RDH12: variants seen among roughly 807,000 people sequenced by gnomAD.
RDH12 encodes retinol dehydrogenase 12.
RDH12 carries 21 observed loss-of-function variants against 34.0 expected under a neutral mutation model. That is an observed-to-expected ratio of 0.62 (90% CI 0.44 to 0.89). The LOEUF (loss-of-function observed/expected upper bound fraction) is 0.89, where lower values mean the gene tolerates loss of function less well. RDH12 is among the 40% of genes least tolerant of loss of function. RDH12 has a pLI of 0.00. For missense variants in RDH12, 394 were observed against 398.6 expected, an observed-to-expected ratio of 0.99 and a Z score of 0.10; for synonymous variants, 198 against 169.9, an observed-to-expected ratio of 1.17 and a Z score of -1.29.
intron 8 of RDH12, among the ~76,000 whole-genome samples, chr14:67,730,805 T>C (rs1444028432): frequency 1.3e-5 from 2 of 152,170 alleles, no homozygotes; most frequent in Non-Finnish European, 2.9e-5. Flanking sequence ...GCTTTCACCA[T>C]GTTGGCCAGG....
chr14:67,715,651 C>T (rs2038060301), intron 1 of RDH12, among the ~76,000 whole-genome samples: 2 of 152,114 alleles, frequency 1.3e-5, no homozygotes, highest in Admixed American at 6.5e-5. Flanking sequence ...CAAGTTCGTT[C>T]TTTTTGTAAG....
chr14:67,703,051 C>T (rs12434923), intron 1 of RDH12, among the ~76,000 whole-genome samples: 13,060 of 152,096 alleles, frequency 0.086, 807 homozygotes, highest in East Asian at 0.23. Flanking sequence ...AGCTCCTGGG[C>T]GCAAATGATC....
chr14:67,716,026 T>C (rs1313768024), intron 1 of RDH12, among the ~76,000 whole-genome samples: 1 of 151,984 alleles, frequency 6.6e-6, no homozygotes, highest in Non-Finnish European at 1.5e-5. Context: ...AAACCCCGTC[T>C]CTACTAAAAA....
rs565676224 is a variant in RDH12, at chr14:67,725,990, T to C, written c.344-61T>C. 6.1e-4 allele frequency: 675 copies of C among 1,107,064 alleles called. 2 individuals carry two copies. The highest frequency in any genetic ancestry group is 8.3e-4 in the Non-Finnish European group (595 of 717,328). 68.6% of individuals were successfully genotyped at this position (1,107,064 alleles called of 1,614,324 possible). The stretch of plus-strand genomic sequence containing the variant: ...AAGGGAAAGGGCAATTATGCAGGTC[T>C]GTTACAGGCAGCTAGGGGACTCCTT... On this transcript the variant is annotated intron_variant, in intron 5 of 8. Transcript: ENST00000551171.
chr14:67,712,156 G>A (rs1383827506), intron 1 of RDH12, among the ~76,000 whole-genome samples: 6 of 152,020 alleles, frequency 3.9e-5, no homozygotes, highest in African/African-American at 7.3e-5. Context: ...CTGACCTCAC[G>A]TGATCCACAC....
intron 1 of RDH12, among the ~76,000 whole-genome samples, chr14:67,714,343 T>C (rs1264553378): frequency 4.6e-5 from 7 of 152,088 alleles, no homozygotes; most frequent in Admixed American, 3.3e-4. Context: ...TCTGATTATG[T>C]TGCTCTTGGT....
rs546733698 is a variant in RDH12, at chr14:67,710,349, C to G, written c.-275+8414C>G. On this transcript the variant is annotated intron_variant, in intron 1 of 8. Coordinates refer to ENST00000551171, the MANE Select transcript of RDH12 (RefSeq NM_152443.3). ...TTAAAAAAAGTTTTAATCTTTTTTT[C>G]CTAAGCAAACCAAAACTTAATAATA... 5.3e-5 allele frequency among the ~76,000 whole-genome samples: 8 copies of G among 152,172 alleles called. No individual in the cohort carries two copies. The East Asian group carries it at 1.4e-3, about 26-fold the overall frequency.
At position 67,727,038 on chromosome 14, in the gene RDH12, G is replaced by A. The variant is rs971610277; in HGVS notation, c.506G>A (p.Arg169Gln). 3.7e-5 allele frequency: 59 copies of A among 1,613,678 alleles called. No individual in the cohort carries two copies. Among genetic ancestry groups the A allele is most frequent in the Middle Eastern group, 1.7e-4 (1 of 5,806 alleles). Residue 169 changes from arginine to glutamine, a missense_variant, in exon 7 of 9, where the codon CGG becomes CAG. By Grantham distance (43) the Arg-to-Gln change is conservative. Transcript: ENST00000551171. ...CGGCTAAAGGTGTCTGCCCCTGCACGGGTGGTTAATGTGTCCTCGGTGGCT... is the reference window on the plus strand; with the variant it reads ...CGGCTAAAGGTGTCTGCCCCTGCACAGGTGGTTAATGTGTCCTCGGTGGCT... Reference protein sequence around the residue: ...LERLKVSAPARVVNVSSVAHH... With the variant: ...LERLKVSAPAQVVNVSSVAHH...
At chr14:67,731,193 A>G (rs2038266687) in intron 8 of RDH12, among the ~76,000 whole-genome samples, 1 of 145,124 alleles carries the variant, frequency 6.9e-6, no homozygotes, top group Non-Finnish European at 1.5e-5. Context: ...GTTTCTCATC[A>G]TATTTCTTTC....
chr14:67,711,858 A>G lies in RDH12; in HGVS notation c.-274-8990A>G, dbSNP rs140743961. Among the ~76,000 whole-genome samples the G allele has an allele frequency of 1.8e-3, 276 of 152,356 alleles. 2 individuals carry two copies. The highest frequency in any genetic ancestry group is 4.4e-3 in the Admixed American group (68 of 15,308). Reference sequence around the variant, plus strand: ...ATTGAAGATGGATGTCAAATCAAACACAAAATTACAGAAATCTATCATAGG... The same window carrying G: ...ATTGAAGATGGATGTCAAATCAAACGCAAAATTACAGAAATCTATCATAGG... On this transcript the variant is annotated intron_variant, in intron 1 of 8. Transcript: ENST00000551171.
At chr14:67,731,539 G>GT (rs1400060908) in intron 8 of RDH12, among the ~76,000 whole-genome samples, 1 of 151,806 alleles carries the variant, frequency 6.6e-6, no homozygotes, top group Non-Finnish European at 1.5e-5. Context: ...CTATTGGACA[G>GT]TTGCTACTCT....
intron 1 of RDH12, among the ~76,000 whole-genome samples, chr14:67,704,200 G>A (rs914285440): frequency 6.6e-6 from 1 of 152,204 alleles, no homozygotes; most frequent in Admixed American, 6.5e-5. Flanking sequence ...AGGTGTATGG[G>A]AGCCAGGAGA....
rs886050645 is a variant in RDH12, at chr14:67,734,282, A to T, written c.*434A>T. 1.3e-4 allele frequency: 26 copies of T among 195,900 alleles called. No homozygotes were observed. The highest frequency in any genetic ancestry group is 5.5e-4 in the African/African-American group (24 of 43,292). 12.1% of individuals were successfully genotyped at this position (195,900 alleles called of 1,614,324 possible). A position where few individuals can be genotyped will look rare whatever the true frequency, so the allele number is the denominator to read the frequency against. ...CTCTTTCTTTTTAAAAATATTTGCCACCACCCTGGAGTCTAGACCAACACA... is the reference window on the plus strand; with the variant it reads ...CTCTTTCTTTTTAAAAATATTTGCCTCCACCCTGGAGTCTAGACCAACACA... On this transcript the variant is annotated 3_prime_UTR_variant, in exon 9 of 9. Coordinates refer to ENST00000551171, the MANE Select transcript of RDH12 (RefSeq NM_152443.3).
intron 1 of RDH12, among the ~76,000 whole-genome samples, chr14:67,720,612 T>C (rs1381413450): frequency 6.6e-6 from 1 of 152,248 alleles, no homozygotes; most frequent in Non-Finnish European, 1.5e-5. Flanking sequence ...ATTTTCATCA[T>C]ATCTAAATGC....
At chr14:67,726,938 C>A (rs367857379) in intron 6 of RDH12, 43 bp from the exon 7 acceptor site, 2 of 1,571,132 alleles carry the variant, frequency 1.3e-6, no homozygotes, top group African/African-American at 1.3e-5. Context: ...TGAGCCTGGG[C>A]TGTCATTCCA....
intron 1 of RDH12, among the ~76,000 whole-genome samples, chr14:67,712,070 C>T (rs2038014631): frequency 6.6e-6 from 1 of 152,142 alleles, no homozygotes; most frequent in African/African-American, 2.4e-5. Flanking sequence ...CAGACATGTG[C>T]CACCACACCC....
intron 1 of RDH12, among the ~76,000 whole-genome samples, chr14:67,711,026 T>C (rs1239224224): frequency 2.6e-5 from 4 of 152,222 alleles, no homozygotes; most frequent in African/African-American, 9.6e-5. Context: ...ACCTTCAAAC[T>C]GTCCTTGTTC....
In RDH12 at chr14:67,729,382, T is replaced by C. The variant is rs878853338; in HGVS notation, c.848+2T>C. On this transcript the variant is annotated splice_donor_variant, in intron 8 of 8. Coordinates refer to ENST00000551171, the MANE Select transcript of RDH12 (RefSeq NM_152443.3). LOFTEE classifies it high-confidence loss of function. ...GCCCCTGAGTGGCAAGTACTTCAGGTGTGTGAAGGCAATGCGGTTCTCTCC... is the reference window on the plus strand; with the variant it reads ...GCCCCTGAGTGGCAAGTACTTCAGGCGTGTGAAGGCAATGCGGTTCTCTCC... 6.3e-7 allele frequency: 1 copy of C among 1,597,106 alleles called. No individual in the cohort carries two copies. Among genetic ancestry groups the C allele is most frequent in the Non-Finnish European group, 8.5e-7 (1 of 1,179,622 alleles).
At chr14:67,715,099 A>T (rs2038053288) in intron 1 of RDH12, 1 of 152,374 alleles carries the variant, frequency 6.6e-6, no homozygotes. Context: ...AAAAGAGAAA[A>T]GTACCTGAAG....
Sources: gnomAD v4.1 joint callset for allele counts (sites outside exome capture counted in the v4.1 genomes callset) on GRCh38, gnomAD v4.1.1 for gene constraint, MANE v1.5 for transcripts, NCBI Gene and HGNC (gene_info 2026-07-23, HGNC 2026-07-21) for gene names.